The following ALK variants were observed in gnomAD, a reference collection of about 807,000 sequenced individuals.
ALK encodes the protein ALK receptor tyrosine kinase, also known as ALK tyrosine kinase receptor.
Under a neutral mutation model 163.1 loss-of-function variants are expected in ALK, and 74 were observed. That is an observed-to-expected ratio of 0.45 (90% CI 0.38 to 0.55). The LOEUF is 0.55. Among genes scored for constraint, ALK ranks in the 20% least tolerant of loss-of-function variants. The pLI, the probability that ALK is intolerant of heterozygous loss-of-function variation, is 0.00. For synonymous variants in ALK, 960 were observed against 843.2 expected (o/e 1.14, Z -2.40); for missense variants, 2,063 against 2,105.3 (o/e 0.98, Z 0.39).
intron 3 of ALK, among the ~76,000 whole-genome samples, chr2:29,612,660 C>T (rs1041893304): frequency 3.3e-5 from 5 of 152,178 alleles, no homozygotes; most frequent in Non-Finnish European, 5.9e-5. Context: ...GAACGATCGC[C>T]CTCCTGTTGA....
intron 1 of ALK, among the ~76,000 whole-genome samples, chr2:29,879,471 A>G (rs559166502): frequency 6.6e-6 from 1 of 152,326 alleles, no homozygotes; most frequent in African/African-American, 2.4e-5. Context: ...TCCTTATCTC[A>G]TCAATGACTG....
intron 1 of ALK, among the ~76,000 whole-genome samples, chr2:29,844,859 G>GCACACACA (rs34706620): frequency 3.0e-4 from 44 of 148,746 alleles, no homozygotes; most frequent in East Asian, 2.4e-3. Context: ...TAACCCCCCT[G>GCACACACA]CACACACACA....
At chr2:29,484,362 T>G (rs1487444971) in intron 4 of ALK, among the ~76,000 whole-genome samples, 15 of 152,138 alleles carry the variant, frequency 9.9e-5, no homozygotes, top group Admixed American at 8.5e-4. Flanking sequence ...TATCTATATA[T>G]ACAAGCACAC....
chr2:29,255,714 C>T (rs1441672390), intron 11 of ALK, among the ~76,000 whole-genome samples: 8 of 152,174 alleles, frequency 5.3e-5, no homozygotes, highest in South Asian at 4.2e-4. Flanking sequence ...AGTCCCGGAC[C>T]CACCTTGTCT....
intron 4 of ALK, among the ~76,000 whole-genome samples, chr2:29,447,128 A>G (rs757799458): frequency 1.8e-4 from 28 of 152,166 alleles, no homozygotes; most frequent in Non-Finnish European, 2.6e-4. Context: ...CCTGGCAAAC[A>G]CGTGGGTGGA....
rs535694344 is a variant in ALK, at chr2:29,220,139, C to T, written c.3645+567G>A. Among the ~76,000 whole-genome samples, 560 of 152,236 alleles carry T rather than the reference C, an allele frequency of 3.7e-3. 3 individuals are homozygous for T. The highest frequency in any genetic ancestry group is 5.5e-3 in the Admixed American group (84 of 15,292). ...GATTTGTGTCCCTGCCCAAATCTTA[C>T]GTTGAATTGTAATCCCTAGTGTTGG... On this transcript the variant is annotated intron_variant, in intron 23 of 28. Transcript: ENST00000389048.
At chr2:29,346,845 G>GCA (rs1455075441) in intron 5 of ALK, among the ~76,000 whole-genome samples, 1 of 152,162 alleles carries the variant, frequency 6.6e-6, no homozygotes, top group African/African-American at 2.4e-5. Context: ...GAAGAATGAA[G>GCA]CACGGACAGC....
chr2:29,538,537 A>G (rs1225860211), intron 3 of ALK, among the ~76,000 whole-genome samples: 1 of 152,178 alleles, frequency 6.6e-6, no homozygotes, highest in Admixed American at 6.5e-5. Context: ...TGCTTCCAGT[A>G]CAGCCTGCAG....
chr2:29,227,558 C>A lies in ALK; in HGVS notation c.2914+16G>T, dbSNP rs754390244. 6.2e-7 allele frequency: 1 copy of A among 1,606,736 alleles called. No homozygotes were observed. Among genetic ancestry groups the A allele is most frequent in the East Asian group, 2.2e-5 (1 of 44,858 alleles). On this transcript the variant is annotated intron_variant, in intron 17 of 28. Transcript: ENST00000389048. The surrounding 1 kb of genome is among the most constrained non-coding windows in gnomAD (Gnocchi z 4.4). ...GACCTAAGCAAGTTTGTTCTGCTGC[C>A]TGGCAGAGAAGCTACCTTTTAAAGC...
At chr2:29,582,700 T>C (rs1674743470) in intron 3 of ALK, among the ~76,000 whole-genome samples, 1 of 152,196 alleles carries the variant, frequency 6.6e-6, no homozygotes, top group South Asian at 2.1e-4. Context: ...TTATCACACG[T>C]GTTTCATAGA....
intron 6 of ALK, among the ~76,000 whole-genome samples, chr2:29,327,672 CAG>C (rs773242195): frequency 7.4e-4 from 112 of 152,210 alleles, no homozygotes; most frequent in Non-Finnish European, 1.4e-3. Context: ...ATATGGAAAA[CAG>C]GGAATTGTAC....
chr2:29,315,545 G>A (rs4666200), intron 8 of ALK, among the ~76,000 whole-genome samples: 90,009 of 151,978 alleles, frequency 0.59, 30,624 homozygotes, highest in East Asian at 0.79. Flanking sequence ...GCACACCTAC[G>A]GCCAATAGCT....
At chr2:29,696,912 T>A (rs1678582870) in intron 2 of ALK, among the ~76,000 whole-genome samples, 2 of 149,206 alleles carry the variant, frequency 1.3e-5, no homozygotes, top group African/African-American at 5.0e-5. Context: ...TAAAACCTGC[T>A]TGCCCTTTTC....
intron 5 of ALK, among the ~76,000 whole-genome samples, chr2:29,362,997 A>G (rs1263080460): frequency 1.3e-5 from 2 of 152,218 alleles, no homozygotes; most frequent in Admixed American, 1.3e-4. Context: ...TGTGGAAGGA[A>G]GGGGAAGATG....
chr2:29,207,957 T>C, intron 25 of ALK: 3 of 426,474 alleles, frequency 7.0e-6, no homozygotes, highest in South Asian at 4.8e-5. Context: ...TGTGTGAGTG[T>C]GTTACAGGAA....
At chr2:29,825,226 G>A (rs1002033112) in intron 1 of ALK, among the ~76,000 whole-genome samples, 1 of 152,172 alleles carries the variant, frequency 6.6e-6, no homozygotes, top group African/African-American at 2.4e-5. Context: ...CCCAGTCTCA[G>A]GTATGTCTTT....
At chr2:29,673,725 G>A (rs1324383301) in intron 3 of ALK, among the ~76,000 whole-genome samples, 1 of 149,954 alleles carries the variant, frequency 6.7e-6, no homozygotes, top group African/African-American at 2.4e-5. Flanking sequence ...AAAGGCATTG[G>A]TAGCTTGATG....
At chr2:29,908,280 GCACACACA>G (rs10607985) in intron 1 of ALK, among the ~76,000 whole-genome samples, 21 of 148,546 alleles carry the variant, frequency 1.4e-4, no homozygotes, top group South Asian at 1.3e-3. Context: ...ACTCTCCAGA[GCACACACA>G]CACACACACA....
chr2:29,599,012 TTAAAA>T (rs1675297543), intron 3 of ALK, among the ~76,000 whole-genome samples: 1 of 152,108 alleles, frequency 6.6e-6, no homozygotes. Context: ...TTCCTCTACT[TTAAAA>T]TAACGATGTC....
Sources: gnomAD v4.1 joint callset for allele counts (sites outside exome capture counted in the v4.1 genomes callset) on GRCh38, gnomAD v4.1.1 for gene constraint, Gnocchi (gnomAD v3.1) non-coding constraint, MANE v1.5 for transcripts, NCBI Gene and HGNC (gene_info 2026-07-23, HGNC 2026-07-21) for gene names.